Variants in CLMN observed in about 807,000 individuals in gnomAD.
CLMN encodes the protein calmin (calponin-like, transmembrane).
CLMN carries 57 observed loss-of-function variants against 92.7 expected under a neutral mutation model. The ratio of observed to expected loss-of-function variants is 0.61; its 90% confidence interval spans 0.50 to 0.77. The LOEUF (loss-of-function observed/expected upper bound fraction) is 0.77, where lower values mean the gene tolerates loss of function less well. Among genes scored for constraint, CLMN ranks in the 30% least tolerant of loss-of-function variants. The pLI is 0.00. For synonymous variants in CLMN, 466 were observed against 470.6 expected (o/e 0.99, Z 0.13); for missense variants, 1,158 against 1,237.5 (o/e 0.94, Z 0.96).
chr14:95,308,293 G>C (rs1483527361), intron 1 of CLMN, among the ~76,000 whole-genome samples: 1 of 152,208 alleles, frequency 6.6e-6, no homozygotes, highest in East Asian at 1.9e-4. Context: ...CAGCAGCAAA[G>C]CTGGCTGACA....
chr14:95,241,388 G>C (rs1468975833), intron 1 of CLMN, among the ~76,000 whole-genome samples: 2 of 152,092 alleles, frequency 1.3e-5, no homozygotes, highest in Non-Finnish European at 2.9e-5. Flanking sequence ...CATGCCCCAG[G>C]GGGAAAGCAG....
At position 95,202,837 on chromosome 14, in the gene CLMN, C is replaced by A; in HGVS notation, c.2511+1G>T. On this transcript the variant is annotated splice_donor_variant, in intron 9 of 12. Transcript: ENST00000298912. LOFTEE classifies it high-confidence loss of function. ...GGTTCCCAAATCCCACGGTTGAGTA[C>A]CTGATGGCTGTCCATGGGGTCATTC... 1 of 1,524,738 alleles carries A rather than the reference C, an allele frequency of 6.6e-7. No individual in the cohort carries two copies. The highest frequency in any genetic ancestry group is 8.8e-7 in the Non-Finnish European group (1 of 1,138,896). The allele number at this position is 1,524,738 out of a possible 1,614,324, so 94.5% of individuals were successfully genotyped here. A position where few individuals can be genotyped will look rare whatever the true frequency, so the allele number is the denominator to read the frequency against.
intron 3 of CLMN, chr14:95,222,717 T>C (rs1897586636): frequency 2.4e-6 from 1 of 409,234 alleles, no homozygotes; most frequent in African/African-American, 2.1e-5. Context: ...AACCAAATAC[T>C]GTTGAGAGTT....
intron 1 of CLMN, among the ~76,000 whole-genome samples, chr14:95,263,609 A>G (rs1324619686): frequency 6.6e-6 from 1 of 152,202 alleles, no homozygotes; most frequent in Admixed American, 6.5e-5. Flanking sequence ...GGAGCCCTAA[A>G]CGTTACTTGG....
chr14:95,203,051 G>A lies in CLMN; in HGVS notation c.2298C>T (p.Asp766=), dbSNP rs1174007895. ...CGGCCTCCTCCTCCCTGGAGTCCAG[G>A]TCTGGCATATAGCCCTCTGGCTCTT... The part of the protein sequence containing the change: ...DLEEPEGYMP[D]LDSREEEADG... Residue 766 remains aspartate (D), a synonymous_variant, in exon 9 of 13, where the codon GAC becomes GAT. Transcript: ENST00000298912. 1 of 1,614,000 alleles carries A rather than the reference G, an allele frequency of 6.2e-7. No homozygotes were observed. Among genetic ancestry groups the A allele is most frequent in the Non-Finnish European group, 8.5e-7 (1 of 1,180,018 alleles).
intron 1 of CLMN, among the ~76,000 whole-genome samples, chr14:95,263,607 A>G (rs1013578705): frequency 1.6e-4 from 25 of 152,218 alleles, no homozygotes; most frequent in South Asian, 6.2e-4. Context: ...ATGGAGCCCT[A>G]AACGTTACTT....
At chr14:95,205,343 G>T (rs1379205177) in intron 8 of CLMN, among the ~76,000 whole-genome samples, 1 of 152,084 alleles carries the variant, frequency 6.6e-6, no homozygotes, top group African/African-American at 2.4e-5. Flanking sequence ...ATCAAGAGAA[G>T]AAATAATCAC....
chr14:95,218,815 G>A (rs184864390), intron 4 of CLMN, among the ~76,000 whole-genome samples: 1 of 152,196 alleles, frequency 6.6e-6, no homozygotes, highest in African/African-American at 2.4e-5. Context: ...AAAATAGAGG[G>A]GATGGAGGCT....
At chr14:95,223,691 G>A (rs553020417) in intron 3 of CLMN, 69 bp downstream of exon 3, 1 of 1,260,322 alleles carries the variant, frequency 7.9e-7, no homozygotes, top group African/African-American at 1.5e-5. Flanking sequence ...TATTTGTGTT[G>A]AAAAGAAAAC....
chr14:95,246,340 C>T (rs935309233), intron 1 of CLMN, among the ~76,000 whole-genome samples: 2 of 152,232 alleles, frequency 1.3e-5, no homozygotes, highest in African/African-American at 2.4e-5. Context: ...TCTCCCATTC[C>T]TTCCTGTGAA....
intron 2 of CLMN, among the ~76,000 whole-genome samples, chr14:95,224,176 A>G (rs1205268032): frequency 6.6e-6 from 1 of 152,278 alleles, no homozygotes; most frequent in African/African-American, 2.4e-5. Context: ...TAAGGGCAGA[A>G]AGAAATGGCA....
At chr14:95,265,410 C>G (rs138748806) in intron 1 of CLMN, among the ~76,000 whole-genome samples, 14 of 152,322 alleles carry the variant, frequency 9.2e-5, no homozygotes, top group Admixed American at 7.2e-4. Context: ...CTTTTCCTTG[C>G]GTCTCCAGCC....
At chr14:95,309,892 G>A (rs1901456493) in intron 1 of CLMN, among the ~76,000 whole-genome samples, 1 of 152,242 alleles carries the variant, frequency 6.6e-6, no homozygotes, top group African/African-American at 2.4e-5. Context: ...CTTAGTGGCT[G>A]AAAACAACAC....
At chr14:95,299,821 T>G (rs1192631241) in intron 1 of CLMN, among the ~76,000 whole-genome samples, 1 of 152,224 alleles carries the variant, frequency 6.6e-6, no homozygotes, top group East Asian at 1.9e-4. Flanking sequence ...CCTCCTCATT[T>G]TCATTCTCGC....
intron 6 of CLMN, among the ~76,000 whole-genome samples, chr14:95,211,649 TAA>T (rs540566941): frequency 0.075 from 9,800 of 130,074 alleles, 539 homozygotes; most frequent in African/African-American, 0.17. Context: ...TAAACGCTCT[TAA>T]AAAAAAAAAA....
chr14:95,294,859 C>T lies in CLMN; in HGVS notation c.82+24852G>A, dbSNP rs962414860. ...CTCTGCTGCCTCCTACTCTTGCTCC[C>T]GCTCCTTAGCTGTGGTTTTGGCCAG... On this transcript the variant is annotated intron_variant, in intron 1 of 12. Coordinates refer to ENST00000298912, the MANE Select transcript of CLMN (RefSeq NM_024734.4). The surrounding 1 kb of genome is among the most constrained non-coding windows in gnomAD (Gnocchi z 4.2). 2.0e-5 allele frequency among the ~76,000 whole-genome samples: 3 copies of T among 152,210 alleles called. No homozygotes were observed. Among genetic ancestry groups the T allele is most frequent in the East Asian group, 1.9e-4 (1 of 5,190 alleles).
Position 95,248,112 on chromosome 14 carries a change from A to T in CLMN, c.83-17979T>A, listed in dbSNP as rs373936142. Among the ~76,000 whole-genome samples, 726 of 138,234 alleles carry T rather than the reference A, an allele frequency of 5.3e-3. 15 individuals are homozygous for T. Among genetic ancestry groups the T allele is most frequent in the Admixed American group, 0.034 (492 of 14,356 alleles). The allele number at this position is 138,234 out of a possible 152,430, so 90.7% of individuals were successfully genotyped here. A position where few individuals can be genotyped will look rare whatever the true frequency, so the allele number is the denominator to read the frequency against. On this transcript the variant is annotated intron_variant, in intron 1 of 12. Coordinates refer to ENST00000298912, the MANE Select transcript of CLMN (RefSeq NM_024734.4). ...TTCTTCAATAAGCAAACTGCAAATG[A>T]AAAAAAAAAAAGAGGAAAGAGGGGA... is the stretch of plus-strand genomic sequence containing the variant.
At chr14:95,311,132 G>A (rs1044563707) in intron 1 of CLMN, among the ~76,000 whole-genome samples, 5 of 152,104 alleles carry the variant, frequency 3.3e-5, no homozygotes, top group East Asian at 1.9e-4. Flanking sequence ...CACGGGAGGC[G>A]AGGGAAGAGG....
chr14:95,227,856 T>C (rs765479631), intron 2 of CLMN, among the ~76,000 whole-genome samples: 1 of 152,236 alleles, frequency 6.6e-6, no homozygotes, highest in Non-Finnish European at 1.5e-5. Flanking sequence ...AGCCTTCAAA[T>C]TGCAGTTAAG....
Sources: gnomAD v4.1 joint callset for allele counts (sites outside exome capture counted in the v4.1 genomes callset) on GRCh38, gnomAD v4.1.1 for gene constraint, Gnocchi (gnomAD v3.1) non-coding constraint, MANE v1.5 for transcripts, NCBI Gene and HGNC (gene_info 2026-07-23, HGNC 2026-07-21) for gene names.